Variants in CACNA2D3 observed in about 807,000 individuals in gnomAD.
CACNA2D3 encodes the protein calcium voltage-gated channel auxiliary subunit alpha2delta 3, also known as voltage-dependent calcium channel subunit alpha-2/delta-3.
CACNA2D3 carries 60 observed loss-of-function variants against 160.6 expected under a neutral mutation model. That is an observed-to-expected ratio of 0.37 (90% confidence interval 0.30 to 0.46). The LOEUF (loss-of-function observed/expected upper bound fraction) is 0.46. CACNA2D3 is among the 20% of genes least tolerant of loss of function. The probability of loss-of-function intolerance (pLI) is 1.00; values close to 1 mark genes in which losing one functional copy is unlikely to be tolerated. For synonymous variants in CACNA2D3, 558 were observed against 492.9 expected (o/e 1.13, Z -1.75); for missense variants, 1,205 against 1,365.0 (o/e 0.88, Z 1.85).
At chr3:54,742,888 G>A (rs1458695540) in intron 11 of CACNA2D3, among the ~76,000 whole-genome samples, 1 of 152,296 alleles carries the variant, frequency 6.6e-6, no homozygotes, top group African/African-American at 2.4e-5. Context: ...TAATAACACA[G>A]ATCAGAGCTT....
Position 54,280,523 on chromosome 3 carries a change from G to C in CACNA2D3, c.205-39919G>C, listed in dbSNP as rs145062061. On this transcript the variant is annotated intron_variant, in intron 2 of 37. Coordinates refer to ENST00000474759, the MANE Select transcript of CACNA2D3 (RefSeq NM_018398.3). The stretch of plus-strand genomic sequence containing the variant: ...TAGTGTAGGGGGGACAGAAATGTGA[G>C]GGCCTGAACACTGTACTAAAAGAGG... Among the ~76,000 whole-genome samples the C allele has an allele frequency of 3.8e-3, 574 of 150,316 alleles. 6 individuals are homozygous for C. Among genetic ancestry groups the C allele is most frequent in the African/African-American group, 0.014 (552 of 40,352 alleles).
intron 17 of CACNA2D3, among the ~76,000 whole-genome samples, chr3:54,856,595 T>G (rs1010695155): frequency 2.6e-5 from 4 of 152,222 alleles, no homozygotes; most frequent in Admixed American, 2.6e-4. Context: ...ATTTGGTGTT[T>G]TCATTCTCAT....
chr3:54,301,836 G>A (rs890828258), intron 2 of CACNA2D3, among the ~76,000 whole-genome samples: 1 of 152,120 alleles, frequency 6.6e-6, no homozygotes, highest in Non-Finnish European at 1.5e-5. Flanking sequence ...TAGATTTACC[G>A]ATGTTTGGAA....
chr3:54,342,624 C>A lies in CACNA2D3; in HGVS notation c.321+22066C>A, dbSNP rs1427532059. Among the ~76,000 whole-genome samples the A allele has an allele frequency of 2.6e-5, 4 of 152,250 alleles. No homozygotes were observed. In the South Asian group the frequency reaches 6.2e-4, roughly 24 times the overall value. On this transcript the variant is annotated intron_variant, in intron 3 of 37. Coordinates refer to ENST00000474759, the MANE Select transcript of CACNA2D3 (RefSeq NM_018398.3). Reference sequence around the variant, plus strand: ...TCTTGTGTTCCCTCCAAACCAGTAGCTTAGGTGACAAATCATTGATAAGAA... The same window carrying A: ...TCTTGTGTTCCCTCCAAACCAGTAGATTAGGTGACAAATCATTGATAAGAA...
intron 4 of CACNA2D3, among the ~76,000 whole-genome samples, chr3:54,445,523 C>G (rs928611457): frequency 6.7e-6 from 1 of 149,992 alleles, no homozygotes; most frequent in Non-Finnish European, 1.5e-5. Context: ...TGTTCATACA[C>G]TTATTCTATG....
chr3:54,782,381 A>G (rs536377805), intron 13 of CACNA2D3, among the ~76,000 whole-genome samples: 145 of 152,308 alleles, frequency 9.5e-4, no homozygotes, highest in African/African-American at 3.4e-3. Context: ...TAAAAACATA[A>G]TATTGTTTAG....
rs1702352282 is a variant in CACNA2D3 at position 54,974,958 on chromosome 3, AT to A, written c.2556+5115del. On this transcript the variant is annotated intron_variant, in intron 29 of 37. Transcript: ENST00000474759. Reference sequence around the variant, plus strand: ...CATTTCCTTTTATTGGACAGGCCATATGGAGAAGGGAATTGAATATTATTTA... The same window carrying A: ...CATTTCCTTTTATTGGACAGGCCATAGGAGAAGGGAATTGAATATTATTTA... Among the ~76,000 whole-genome samples the A allele has an allele frequency of 2.0e-5, 3 of 152,182 alleles. No homozygotes were observed. In the South Asian group the frequency reaches 6.2e-4, roughly 31 times the overall value.
chr3:54,889,482 G>A (rs571764629), intron 24 of CACNA2D3, among the ~76,000 whole-genome samples: 3 of 152,280 alleles, frequency 2.0e-5, no homozygotes, highest in South Asian at 2.1e-4. Flanking sequence ...GTTTGTTGTG[G>A]AGGGTAGGGA....
At chr3:54,852,669 G>A (rs1186297137) in intron 17 of CACNA2D3, among the ~76,000 whole-genome samples, 3 of 152,122 alleles carry the variant, frequency 2.0e-5, no homozygotes, top group African/African-American at 7.2e-5. Flanking sequence ...GGTTATAGAT[G>A]GGTCCTCATG....
chr3:54,970,269 G>A (rs969234240), intron 29 of CACNA2D3, among the ~76,000 whole-genome samples: 4 of 152,162 alleles, frequency 2.6e-5, no homozygotes, highest in African/African-American at 9.7e-5. Flanking sequence ...GAAATTAAGT[G>A]ATTCAGCTAA....
At chr3:54,988,095 T>C (rs1305952434) in intron 31 of CACNA2D3, among the ~76,000 whole-genome samples, 2 of 151,828 alleles carry the variant, frequency 1.3e-5, no homozygotes, top group Non-Finnish European at 2.9e-5. Context: ...AAGGGTGGAG[T>C]GTATTTTGTC....
At chr3:54,187,082 C>G (rs1700891655) in intron 2 of CACNA2D3, among the ~76,000 whole-genome samples, 1 of 152,186 alleles carries the variant, frequency 6.6e-6, no homozygotes, top group Admixed American at 6.5e-5. Context: ...GCTGCTGTCC[C>G]TGGGAGTGCT....
chr3:54,356,376 G>A (rs1341198923), intron 3 of CACNA2D3, among the ~76,000 whole-genome samples: 1 of 152,166 alleles, frequency 6.6e-6, no homozygotes, highest in Non-Finnish European at 1.5e-5. Context: ...TCTTTGCTGA[G>A]AACTTGCAGA....
intron 5 of CACNA2D3, among the ~76,000 whole-genome samples, chr3:54,532,634 A>C (rs1175213590): frequency 6.6e-6 from 1 of 152,152 alleles, no homozygotes; most frequent in African/African-American, 2.4e-5. Context: ...ACATGATTTC[A>C]TTCTTTTTAT....
At chr3:54,914,670 T>G (rs2106914861) in intron 27 of CACNA2D3, among the ~76,000 whole-genome samples, 1 of 152,348 alleles carries the variant, frequency 6.6e-6, no homozygotes. Context: ...GGGTAGGGGT[T>G]TCTTTGAGAC....
chr3:54,344,728 C>A (rs1159766718), intron 3 of CACNA2D3, among the ~76,000 whole-genome samples: 1 of 152,136 alleles, frequency 6.6e-6, no homozygotes, highest in Non-Finnish European at 1.5e-5. Flanking sequence ...AGTGACCCAG[C>A]TGTCAGAGGT....
intron 4 of CACNA2D3, among the ~76,000 whole-genome samples, chr3:54,400,699 A>T (rs1011025206): frequency 2.0e-5 from 3 of 152,162 alleles, no homozygotes; most frequent in African/African-American, 7.2e-5. Flanking sequence ...GCTTAGAGTC[A>T]CCATGCCCTA....
chr3:54,335,478 T>G (rs2107521504), intron 3 of CACNA2D3, among the ~76,000 whole-genome samples: 1 of 152,336 alleles, frequency 6.6e-6, no homozygotes, highest in South Asian at 2.1e-4. Flanking sequence ...ATTTGTAAAC[T>G]GTCATGGTGC....
intron 35 of CACNA2D3, among the ~76,000 whole-genome samples, chr3:55,051,841 G>C (rs1238694907): frequency 6.6e-6 from 1 of 152,212 alleles, no homozygotes; most frequent in African/African-American, 2.4e-5. Context: ...GAAAAGCGCA[G>C]TATTCGGGTG....
Sources: allele counts gnomAD v4.1 joint callset (sites outside exome capture counted in the v4.1 genomes callset), GRCh38; gene constraint gnomAD v4.1.1; transcripts MANE v1.5; gene names NCBI Gene and HGNC (gene_info 2026-07-23, HGNC 2026-07-21).